Variants in THSD7A observed in about 807,000 individuals in gnomAD.
THSD7A encodes the protein thrombospondin type-1 domain-containing protein 7A.
THSD7A carries 96 observed loss-of-function variants against 231.3 expected under a neutral mutation model. The observed-to-expected ratio is 0.41, with a 90% CI of 0.35 to 0.49. The LOEUF (loss-of-function observed/expected upper bound fraction) is 0.49. Among genes scored for constraint, THSD7A ranks in the 20% least tolerant of loss-of-function variants. The probability of loss-of-function intolerance (pLI) is 0.05; values close to 1 mark genes in which losing one functional copy is unlikely to be tolerated. For missense variants in THSD7A, 2,290 were observed against 2,070.2 expected (o/e 1.11, Z -2.06); for synonymous variants, 940 against 743.3 (o/e 1.26, Z -4.30).
chr7:11,593,637 A>G, intron 2 of THSD7A, 135 bp from the exon 3 acceptor site: 2 of 1,049,094 alleles, frequency 1.9e-6, no homozygotes, highest in South Asian at 3.2e-5. Context: ...TCGAAAATAC[A>G]TCAACATTTA....
intron 1 of THSD7A, chr7:11,751,481 G>A (rs977631790): frequency 2.0e-5 from 3 of 151,958 alleles, no homozygotes; most frequent in African/African-American, 4.8e-5. Context: ...ATTACCTTCA[G>A]GTGAAGAAAA....
chr7:11,440,721 T>C (rs1784777584), intron 13 of THSD7A, among the ~76,000 whole-genome samples: 1 of 152,026 alleles, frequency 6.6e-6, no homozygotes, highest in Admixed American at 6.6e-5. Context: ...CTTGAAGAGA[T>C]GAGGAATTGC....
intron 11 of THSD7A, among the ~76,000 whole-genome samples, chr7:11,448,539 A>G (rs1427211890): frequency 3.3e-5 from 5 of 152,236 alleles, no homozygotes; most frequent in South Asian, 4.1e-4. Flanking sequence ...TTCCATCACC[A>G]TGAAATCGAG....
At chr7:11,532,464 T>C (rs553087217) in intron 6 of THSD7A, among the ~76,000 whole-genome samples, 104 of 152,246 alleles carry the variant, frequency 6.8e-4, no homozygotes, top group African/African-American at 2.4e-3. Context: ...AAGAAGACTG[T>C]TAGTGAAGGA....
intron 1 of THSD7A, among the ~76,000 whole-genome samples, chr7:11,743,630 G>C (rs1782181686): frequency 6.6e-6 from 1 of 151,678 alleles, no homozygotes; most frequent in South Asian, 2.1e-4. Context: ...ATTATCACCA[G>C]GTCACATGGG....
intron 1 of THSD7A, among the ~76,000 whole-genome samples, chr7:11,782,346 C>A (rs552397445): frequency 6.6e-6 from 1 of 151,992 alleles, no homozygotes; most frequent in Non-Finnish European, 1.5e-5. Context: ...TAATATTTTT[C>A]GAGATGGGCC....
At position 11,832,051 on chromosome 7, in the gene THSD7A, T is replaced by G. The variant is rs1785214132; in HGVS notation, c.-105A>C. On this transcript the variant is annotated 5_prime_UTR_variant, in exon 1 of 28. Transcript: ENST00000423059. ...AAAGAGTACAGAAAGCAAAGCTCTTTCCTGCTATTGTTCGCTTCAGATGAG... is the reference window on the plus strand; with the variant it reads ...AAAGAGTACAGAAAGCAAAGCTCTTGCCTGCTATTGTTCGCTTCAGATGAG... 1.3e-6 allele frequency: 1 copy of G among 750,110 alleles called. No individual in the cohort carries two copies. The highest frequency in any genetic ancestry group is 1.8e-6 in the Non-Finnish European group (1 of 560,998). The allele number at this position is 750,110 out of a possible 1,614,324, so 46.5% of individuals were successfully genotyped here.
chr7:11,470,123 A>G (rs893552298), intron 8 of THSD7A, 129 bp from the exon 9 acceptor site: 3 of 675,636 alleles, frequency 4.4e-6, no homozygotes, highest in Non-Finnish European at 7.8e-6. Context: ...AACTTCCAGG[A>G]GTCTTTCTTT....
At chr7:11,610,455 A>T (rs1403999306) in intron 2 of THSD7A, among the ~76,000 whole-genome samples, 1 of 152,118 alleles carries the variant, frequency 6.6e-6, no homozygotes, top group African/African-American at 2.4e-5. Flanking sequence ...TATGTGTAAT[A>T]AAACGAGAGA....
Position 11,406,992 on chromosome 7 carries a change from G to A in THSD7A, c.3980C>T (p.Ser1327Phe), listed in dbSNP as rs372808276. Residue 1327 changes from serine to phenylalanine, a missense_variant, in exon 21 of 28, where the codon TCC becomes TTC. Ser to Phe is a radical substitution (Grantham distance 155). Coordinates refer to ENST00000423059, the MANE Select transcript of THSD7A (RefSeq NM_015204.3). The surrounding 1 kb of genome is among the most constrained non-coding windows in gnomAD (Gnocchi z 4.7). ...PFQGDGRPCP[S>F]LMDQSKPCPV... is the part of the protein sequence containing the mutation. ...GCAGGGTTTGGACTGGTCCATCAGG[G>A]AAGGGCATGGTCTTCCATCACCTTG... 1.9e-6 allele frequency: 3 copies of A among 1,613,864 alleles called. No individual in the cohort carries two copies. The highest frequency in any genetic ancestry group is 1.7e-5 in the Admixed American group (1 of 59,994).
Position 11,468,309 on chromosome 7 carries a change from A to G in THSD7A, c.2368+1570T>C, listed in dbSNP as rs73677710. On this transcript the variant is annotated intron_variant, in intron 9 of 27. Transcript: ENST00000423059. ...AATTAATAACCAACAATTACCACCT[A>G]TAAGTGCCATCATAGGTAAAATATT... Among the ~76,000 whole-genome samples the G allele has an allele frequency of 4.5e-3, 689 of 152,066 alleles. 7 individuals are homozygous for G. The highest frequency in any genetic ancestry group is 0.016 in the African/African-American group (653 of 41,502).
intron 8 of THSD7A, among the ~76,000 whole-genome samples, 192 bp from the exon 9 acceptor site, chr7:11,470,186 A>C (rs561087535): frequency 5.3e-4 from 80 of 152,268 alleles, no homozygotes; most frequent in African/African-American, 1.8e-3. Context: ...ACCGGACCTC[A>C]ATAAAGCCTC....
At position 11,544,517 on chromosome 7, in the gene THSD7A, G is replaced by A. The variant is rs145286044; in HGVS notation, c.1454-1400C>T. Among the ~76,000 whole-genome samples, 1,135 of 152,176 alleles carry A rather than the reference G, an allele frequency of 7.5e-3. 19 individuals carry two copies. Among genetic ancestry groups the A allele is most frequent in the African/African-American group, 0.026 (1,083 of 41,506 alleles). ...AGGACTATCAAATTCCAATTGCATA[G>A]GATTGCATGCAGAAGCTCACAGAGA... On this transcript the variant is annotated intron_variant, in intron 4 of 27. Transcript: ENST00000423059.
intron 1 of THSD7A, chr7:11,751,229 T>C (rs1782490609): frequency 6.6e-6 from 1 of 152,038 alleles, no homozygotes; most frequent in Non-Finnish European, 1.5e-5. Context: ...CGGATAGTTG[T>C]CTGTTGGTCC....
chr7:11,795,177 A>G (rs1784085813), intron 1 of THSD7A, among the ~76,000 whole-genome samples: 1 of 152,006 alleles, frequency 6.6e-6, no homozygotes, highest in African/African-American at 2.4e-5. Context: ...TCAAAAAATT[A>G]CAGCATTCTA....
At chr7:11,723,063 A>G (rs1252970814) in intron 1 of THSD7A, among the ~76,000 whole-genome samples, 1 of 151,976 alleles carries the variant, frequency 6.6e-6, no homozygotes, top group Non-Finnish European at 1.5e-5. Flanking sequence ...AGTAGCAAAG[A>G]CATGGAACCA....
chr7:11,764,126 A>T (rs998286916), intron 1 of THSD7A, among the ~76,000 whole-genome samples: 2 of 152,202 alleles, frequency 1.3e-5, no homozygotes, highest in Non-Finnish European at 2.9e-5. Context: ...AATTTTATAT[A>T]GCCCAATTAT....
intron 23 of THSD7A, among the ~76,000 whole-genome samples, chr7:11,400,551 G>C (rs977800144): frequency 6.6e-6 from 1 of 152,094 alleles, no homozygotes; most frequent in Non-Finnish European, 1.5e-5. Flanking sequence ...ATTTTGGAGT[G>C]AATACTTTTC....
At chr7:11,389,993 G>C (rs1782919562) in intron 23 of THSD7A, among the ~76,000 whole-genome samples, 1 of 152,198 alleles carries the variant, frequency 6.6e-6, no homozygotes, top group African/African-American at 2.4e-5. Flanking sequence ...CTGTTAGTCT[G>C]ATGGGCTTCC....
Sources: allele counts gnomAD v4.1 joint callset (sites outside exome capture counted in the v4.1 genomes callset), GRCh38; gene constraint gnomAD v4.1.1; non-coding constraint Gnocchi (gnomAD v3.1); transcripts MANE v1.5; gene names NCBI Gene and HGNC (gene_info 2026-07-23, HGNC 2026-07-21).